Variants in DLG2 observed in about 807,000 individuals in gnomAD.
The protein encoded by DLG2 is disks large homolog 2.
In DLG2, 45 loss-of-function variants were observed where a neutral mutation model predicts 132.5. The observed-to-expected ratio is 0.34, with a 90% confidence interval of 0.27 to 0.44. The LOEUF is 0.44. DLG2 is among the 20% of genes least tolerant of loss of function. DLG2 has a pLI of 1.00. For missense variants in DLG2, 1,045 were observed against 1,196.9 expected (o/e 0.87, Z 1.87); for synonymous variants, 424 against 419.6 (o/e 1.01, Z -0.13).
intron 7 of DLG2, among the ~76,000 whole-genome samples, chr11:84,460,587 T>A (rs1418186467): frequency 1.3e-5 from 2 of 150,590 alleles, no homozygotes; most frequent in Non-Finnish European, 3.0e-5. Context: ...GATTAATACA[T>A]CCATGAATTA....
At chr11:84,753,948 G>A (rs1394055342) in intron 6 of DLG2, among the ~76,000 whole-genome samples, 1 of 152,182 alleles carries the variant, frequency 6.6e-6, no homozygotes, top group Non-Finnish European at 1.5e-5. Flanking sequence ...AGAAAGATGA[G>A]AACTAAGAAC....
chr11:84,916,335 C>T (rs1311165697), intron 6 of DLG2, among the ~76,000 whole-genome samples: 18 of 98,348 alleles, frequency 1.8e-4, no homozygotes, highest in Non-Finnish European at 2.7e-4. Context: ...GGCGACAGAG[C>T]GAGACTCCGT....
At chr11:84,954,632 T>G (rs2051399874) in intron 6 of DLG2, among the ~76,000 whole-genome samples, 1 of 152,182 alleles carries the variant, frequency 6.6e-6, no homozygotes, top group African/African-American at 2.4e-5. Flanking sequence ...CGCAATCCCA[T>G]CAGACATTGG....
At chr11:84,765,537 A>AT (rs111241414) in intron 6 of DLG2, among the ~76,000 whole-genome samples, 18 of 152,008 alleles carry the variant, frequency 1.2e-4, no homozygotes, top group African/African-American at 4.3e-4. Flanking sequence ...GAAAAATATC[A>AT]TTTTTTAGGA....
intron 8 of DLG2, among the ~76,000 whole-genome samples, chr11:84,230,965 A>G (rs1007060070): frequency 1.3e-5 from 2 of 152,206 alleles, no homozygotes; most frequent in Admixed American, 6.5e-5. Context: ...AATGTAGCAA[A>G]GACAATTAAC....
At chr11:84,944,983 T>G (rs2050014493) in intron 6 of DLG2, among the ~76,000 whole-genome samples, 1 of 152,232 alleles carries the variant, frequency 6.6e-6, no homozygotes, top group South Asian at 2.1e-4. Context: ...ACAGCTATTT[T>G]GAATTCTTTG....
rs972488030 is a variant in DLG2, at chr11:84,588,798, C to A, written c.358-54067G>T. Among the ~76,000 whole-genome samples, 54 of 136,268 alleles carry A rather than the reference C, an allele frequency of 4.0e-4. 1 individual carries two copies. Among genetic ancestry groups the A allele is most frequent in the Admixed American group, 1.5e-3 (21 of 13,600 alleles). 89.4% of individuals were successfully genotyped at this position (136,268 alleles called of 152,430 possible). ...AGCATATGTGAAAAAAAAAAAAAAA[C>A]AAAATATGGGCAAGCAGCAGCCTTT... On this transcript the variant is annotated intron_variant, in intron 6 of 27. Coordinates refer to ENST00000376104, the MANE Select transcript of DLG2 (RefSeq NM_001142699.3).
At chr11:85,020,387 C>G (rs183398003) in intron 6 of DLG2, among the ~76,000 whole-genome samples, 67 of 152,238 alleles carry the variant, frequency 4.4e-4, no homozygotes, top group Admixed American at 1.9e-3. Context: ...GGGTAGACTG[C>G]AAAAATTTTC....
At position 85,290,873 on chromosome 11, in the gene DLG2, C is replaced by G. The variant is rs1016249610; in HGVS notation, c.41-5508G>C. Among the ~76,000 whole-genome samples, 6 of 152,076 alleles carry G rather than the reference C, an allele frequency of 3.9e-5. No homozygotes were observed. The East Asian group carries it at 9.7e-4, about 25-fold the overall frequency. On this transcript the variant is annotated intron_variant, in intron 3 of 27. Coordinates refer to ENST00000376104, the MANE Select transcript of DLG2 (RefSeq NM_001142699.3). ...CACAGTTAGGTCTTCAATTGTCAAA[C>G]AGCATGTTGAAGGAAATTCATAATA...
intron 6 of DLG2, among the ~76,000 whole-genome samples, chr11:84,961,556 GTGTGTGTGTGTA>G (rs1417071714): frequency 2.0e-5 from 3 of 151,510 alleles, no homozygotes; most frequent in African/African-American, 7.3e-5. Flanking sequence ...GTGTGTGTGT[GTGTGTGTGTGTA>G]TGTGTATGCA....
At chr11:84,632,473 A>T (rs1468414065) in intron 6 of DLG2, among the ~76,000 whole-genome samples, 1 of 152,216 alleles carries the variant, frequency 6.6e-6, no homozygotes, top group African/African-American at 2.4e-5. Context: ...GAGTAGAGTG[A>T]AACTCTGACT....
At chr11:84,163,543 AT>A (rs775026522) in intron 8 of DLG2, 32 bp from the exon 9 acceptor site, 3 of 1,554,538 alleles carry the variant, frequency 1.9e-6, no homozygotes, top group African/African-American at 1.4e-5. Flanking sequence ...GAAGAGAACT[AT>A]TAAATACATG....
chr11:85,000,947 A>G (rs901974520), intron 6 of DLG2, among the ~76,000 whole-genome samples: 1 of 152,140 alleles, frequency 6.6e-6, no homozygotes, highest in Admixed American at 6.6e-5. Context: ...TGCTACTATT[A>G]GCTGTCTGGA....
intron 11 of DLG2, among the ~76,000 whole-genome samples, chr11:83,982,928 T>C (rs955955404): frequency 2.6e-5 from 4 of 152,182 alleles, no homozygotes; most frequent in African/African-American, 9.6e-5. Context: ...TATAGTAACA[T>C]GGTATACAGG....
intron 6 of DLG2, among the ~76,000 whole-genome samples, chr11:85,091,380 A>G (rs1215511689): frequency 2.6e-5 from 4 of 152,222 alleles, no homozygotes; most frequent in Non-Finnish European, 4.4e-5. Context: ...TCTCACTTCA[A>G]TGCTGATGGC....
chr11:83,670,974 A>C (rs1397137419), intron 18 of DLG2, among the ~76,000 whole-genome samples: 1 of 152,204 alleles, frequency 6.6e-6, no homozygotes, highest in Admixed American at 6.5e-5. Context: ...TCATGAATAC[A>C]TATATAGATG....
chr11:84,934,604 A>G lies in DLG2; in HGVS notation c.357+177057T>C, dbSNP rs570951484. Among the ~76,000 whole-genome samples the G allele has an allele frequency of 1.6e-3, 220 of 140,666 alleles. 3 individuals are homozygous for G. Among genetic ancestry groups the G allele is most frequent in the Middle Eastern group, 8.3e-3 (2 of 242 alleles). 92.3% of individuals were successfully genotyped at this position (140,666 alleles called of 152,430 possible). A position where few individuals can be genotyped will look rare whatever the true frequency, so the allele number is the denominator to read the frequency against. ...CAGACCTCATTATTAGTCTGTTACA[A>G]CCCTCAGGGAATATTATGAATACCT... On this transcript the variant is annotated intron_variant, in intron 6 of 27. Coordinates refer to ENST00000376104, the MANE Select transcript of DLG2 (RefSeq NM_001142699.3).
At chr11:83,818,173 T>TA (rs1456925345) in intron 17 of DLG2, among the ~76,000 whole-genome samples, 1 of 152,132 alleles carries the variant, frequency 6.6e-6, no homozygotes, top group Non-Finnish European at 1.5e-5. Flanking sequence ...GCCCAGTGCT[T>TA]AAACTCCTCA....
intron 2 of DLG2, among the ~76,000 whole-genome samples, chr11:85,609,667 A>C (rs1238043932): frequency 6.6e-6 from 1 of 152,002 alleles, no homozygotes; most frequent in Non-Finnish European, 1.5e-5. Context: ...CAATAAGAAG[A>C]CCCAACAACA....
Sources: gnomAD v4.1 joint callset for allele counts (sites outside exome capture counted in the v4.1 genomes callset) on GRCh38, gnomAD v4.1.1 for gene constraint, MANE v1.5 for transcripts, NCBI Gene and HGNC (gene_info 2026-07-23, HGNC 2026-07-21) for gene names.